The following EPHA6 variants were observed in gnomAD, a reference collection of about 807,000 sequenced individuals.
The protein encoded by EPHA6 is ephrin type-A receptor 6.
A neutral mutation model predicts 112.0 loss-of-function variants in EPHA6; 50 were observed. The observed-to-expected ratio is 0.45, with a 90% CI of 0.36 to 0.56. The LOEUF (loss-of-function observed/expected upper bound fraction) is 0.56. Among genes scored for constraint, EPHA6 ranks in the 20% least tolerant of loss-of-function variants. The probability of loss-of-function intolerance (pLI) is 0.00; values close to 1 mark genes in which losing one functional copy is unlikely to be tolerated. For synonymous variants in EPHA6, 529 were observed against 490.7 expected (o/e 1.08, Z -1.03); for missense variants, 1,280 against 1,417.4 (o/e 0.90, Z 1.56).
intron 3 of EPHA6, among the ~76,000 whole-genome samples, chr3:97,194,874 G>C (rs1299938105): frequency 1.3e-5 from 2 of 151,864 alleles, no homozygotes. Context: ...TCTGACTTAA[G>C]TATAGCAACA....
chr3:97,621,204 C>T (rs1028917158), intron 13 of EPHA6, among the ~76,000 whole-genome samples: 1 of 151,756 alleles, frequency 6.6e-6, no homozygotes, highest in Non-Finnish European at 1.5e-5. Context: ...TAAGTGAGAA[C>T]TAAATGATGA....
At chr3:97,158,116 A>T (rs2076332175) in intron 3 of EPHA6, among the ~76,000 whole-genome samples, 1 of 152,202 alleles carries the variant, frequency 6.6e-6, no homozygotes, top group Admixed American at 6.5e-5. Flanking sequence ...AGAAGTGGAG[A>T]TAAAGTCCTG....
chr3:97,414,862 C>T (rs937873043), intron 6 of EPHA6, among the ~76,000 whole-genome samples: 1 of 151,966 alleles, frequency 6.6e-6, no homozygotes, highest in Admixed American at 6.6e-5. Flanking sequence ...TGCCTATTGT[C>T]CCTCATGACC....
At chr3:97,601,859 T>C (rs1440003674) in intron 12 of EPHA6, among the ~76,000 whole-genome samples, 1 of 152,124 alleles carries the variant, frequency 6.6e-6, no homozygotes, top group Non-Finnish European at 1.5e-5. Flanking sequence ...TTTATTTTAT[T>C]TTTAAATTTT....
intron 2 of EPHA6, among the ~76,000 whole-genome samples, chr3:96,927,082 A>T (rs1432420368): frequency 3.9e-5 from 6 of 152,206 alleles, no homozygotes; most frequent in Non-Finnish European, 7.3e-5. Context: ...AGGTTCCCGA[A>T]CCTTAATTCT....
At chr3:97,238,936 G>A (rs772111260) in intron 4 of EPHA6, among the ~76,000 whole-genome samples, 2 of 151,936 alleles carry the variant, frequency 1.3e-5, no homozygotes, top group South Asian at 2.1e-4. Flanking sequence ...TGGTCTATTC[G>A]ATTTTTTGTT....
intron 7 of EPHA6, among the ~76,000 whole-genome samples, chr3:97,465,993 A>T (rs775395614): frequency 8.6e-5 from 13 of 151,358 alleles, no homozygotes; most frequent in Non-Finnish European, 1.3e-4. Context: ...TTGTTTTTGC[A>T]TCTATGCAAT....
At position 97,509,324 on chromosome 3, in the gene EPHA6, C is replaced by G. The variant is rs184059082; in HGVS notation, c.2201-23034C>G. Among the ~76,000 whole-genome samples the G allele has an allele frequency of 6.5e-3, 993 of 151,982 alleles. 12 individuals are homozygous for G. The highest frequency in any genetic ancestry group is 0.022 in the African/African-American group (913 of 41,460). On this transcript the variant is annotated intron_variant, in intron 10 of 17. Coordinates refer to ENST00000389672, the MANE Select transcript of EPHA6 (RefSeq NM_001080448.3). ...GGCATGTTTTTGCAGTGGCCGGTAC[C>G]GGTTGTTCCATTGCATGTTTAGTGC...
rs374851403 is a variant in EPHA6, at chr3:97,359,075, A to T, written c.1607-46075A>T. Among the ~76,000 whole-genome samples the T allele has an allele frequency of 3.3e-4, 47 of 143,962 alleles. 1 individual carries two copies. Among genetic ancestry groups the T allele is most frequent in the African/African-American group, 9.3e-4 (36 of 38,778 alleles). The allele number at this position is 143,962 out of a possible 152,430, so 94.4% of individuals were successfully genotyped here. ...TCTTATTTGGATATATTGAGCTTGG[A>T]TATTTATATCCATGTCTTTAATCAA... On this transcript the variant is annotated intron_variant, in intron 5 of 17. Coordinates refer to ENST00000389672, the MANE Select transcript of EPHA6 (RefSeq NM_001080448.3).
intron 14 of EPHA6, among the ~76,000 whole-genome samples, chr3:97,672,541 T>G (rs977122673): frequency 3.9e-5 from 6 of 152,054 alleles, no homozygotes; most frequent in Non-Finnish European, 7.4e-5. Flanking sequence ...GTGAAGGTCA[T>G]GTGGAGTCAA....
rs1427657691 is a variant in EPHA6 at position 97,279,251 on chromosome 3, T to C, written c.1606+34964T>C. ...GAGAAACATGGTATTTTTTAATCTATTGATATTAAAAAATTAATAGATTTA... is the reference window on the plus strand; with the variant it reads ...GAGAAACATGGTATTTTTTAATCTACTGATATTAAAAAATTAATAGATTTA... On this transcript the variant is annotated intron_variant, in intron 5 of 17. Transcript: ENST00000389672. Among the ~76,000 whole-genome samples the C allele has an allele frequency of 7.2e-5, 11 of 152,276 alleles. No homozygotes were observed. In the East Asian group the frequency reaches 2.1e-3, roughly 29 times the overall value.
chr3:97,458,855 G>A (rs568015215), intron 7 of EPHA6, among the ~76,000 whole-genome samples: 7 of 152,168 alleles, frequency 4.6e-5, no homozygotes, highest in Non-Finnish European at 7.4e-5. Context: ...TAATAAATGG[G>A]CCAGATATAG....
At chr3:97,152,350 C>T (rs116019004) in intron 3 of EPHA6, among the ~76,000 whole-genome samples, 1,891 of 151,376 alleles carry the variant, frequency 0.012, 31 homozygotes, top group African/African-American at 0.041. Flanking sequence ...GTTCCTTTAG[C>T]ATTTTATAAT....
At chr3:97,592,804 G>T in intron 12 of EPHA6, 67 bp downstream of exon 12, 5 of 1,442,906 alleles carry the variant, frequency 3.5e-6, no homozygotes, top group Non-Finnish European at 4.6e-6. Context: ...TAGTTGATAG[G>T]CCCCAAATAC....
At position 97,533,052 on chromosome 3, in the gene EPHA6, C is replaced by A. The variant is rs193035224; in HGVS notation, c.2386+509C>A. Among the ~76,000 whole-genome samples, 396 of 151,868 alleles carry A rather than the reference C, an allele frequency of 2.6e-3. 4 individuals are homozygous for A. Among genetic ancestry groups the A allele is most frequent in the African/African-American group, 9.2e-3 (382 of 41,462 alleles). ...GTTTACAATTCCTCAAGTAAAAATT[C>A]TTCTTTCACAGAAATAATGGAACAA... is the stretch of plus-strand genomic sequence containing the variant. On this transcript the variant is annotated intron_variant, in intron 11 of 17. Coordinates refer to ENST00000389672, the MANE Select transcript of EPHA6 (RefSeq NM_001080448.3).
At chr3:97,174,032 C>A (rs188987979) in intron 3 of EPHA6, among the ~76,000 whole-genome samples, 1 of 151,698 alleles carries the variant, frequency 6.6e-6, no homozygotes, top group East Asian at 1.9e-4. Context: ...CCCCCCCAGT[C>A]CCCCACTACC....
chr3:97,586,828 T>TAAAA (rs2093493985), intron 11 of EPHA6, among the ~76,000 whole-genome samples: 1 of 152,200 alleles, frequency 6.6e-6, no homozygotes, highest in East Asian at 1.9e-4. Context: ...TTCAATAGAC[T>TAAAA]AGTTTATCTT....
At chr3:97,632,987 A>G (rs1375294696) in intron 13 of EPHA6, among the ~76,000 whole-genome samples, 7 of 152,094 alleles carry the variant, frequency 4.6e-5, no homozygotes, top group Non-Finnish European at 8.8e-5. Context: ...ACTTGAGCTC[A>G]GCCTAAGATG....
chr3:97,509,283 A>G (rs562761133), intron 10 of EPHA6, among the ~76,000 whole-genome samples: 2 of 151,958 alleles, frequency 1.3e-5, no homozygotes, highest in South Asian at 4.2e-4. Flanking sequence ...CATAGTGTCA[A>G]TGGTCTTTAC....
Sources: allele counts gnomAD v4.1 joint callset (sites outside exome capture counted in the v4.1 genomes callset), GRCh38; gene constraint gnomAD v4.1.1; transcripts MANE v1.5; gene names NCBI Gene and HGNC (gene_info 2026-07-23, HGNC 2026-07-21).